Variants in PARP8 observed in about 807,000 individuals in gnomAD.
PARP8 encodes the protein protein mono-ADP-ribosyltransferase PARP8.
A neutral mutation model predicts 124.1 loss-of-function variants in PARP8; 51 were observed. The ratio of observed to expected loss-of-function variants is 0.41; its 90% CI spans 0.33 to 0.52. PARP8 has a LOEUF of 0.52. Ranked by LOEUF, PARP8 falls within the 20% of genes least tolerant of loss-of-function variation. The pLI is 0.21. For synonymous variants in PARP8, 391 were observed against 361.5 expected (o/e 1.08, Z -0.93); for missense variants, 860 against 1,018.9 (o/e 0.84, Z 2.12).
At chr5:50,798,117 A>G (rs1742762409) in intron 14 of PARP8, among the ~76,000 whole-genome samples, 1 of 152,182 alleles carries the variant, frequency 6.6e-6, no homozygotes, top group East Asian at 1.9e-4. Flanking sequence ...TTCAAGGACC[A>G]TCCATATAGC....
At chr5:50,744,069 G>C (rs1416665038) in intron 2 of PARP8, among the ~76,000 whole-genome samples, 1 of 152,208 alleles carries the variant, frequency 6.6e-6, no homozygotes, top group African/African-American at 2.4e-5. Context: ...GGATCCAGGA[G>C]TTTGACGTTA....
intron 3 of PARP8, among the ~76,000 whole-genome samples, chr5:50,756,427 T>C (rs532485335): frequency 6.6e-6 from 1 of 152,144 alleles, no homozygotes; most frequent in Non-Finnish European, 1.5e-5. Flanking sequence ...AAACAAATTT[T>C]TTTTTACAAA....
chr5:50,782,735 A>T (rs917227106), intron 9 of PARP8, among the ~76,000 whole-genome samples: 1 of 152,148 alleles, frequency 6.6e-6, no homozygotes, highest in Non-Finnish European at 1.5e-5. Flanking sequence ...GTTGCCTGGG[A>T]CCACTCCTAA....
At chr5:50,747,158 G>GTTTTTTTTTTT (rs1370932889) in intron 2 of PARP8, among the ~76,000 whole-genome samples, 5 of 82,204 alleles carry the variant, frequency 6.1e-5, no homozygotes, top group Admixed American at 1.1e-4. Context: ...TTGTTTGTTT[G>GTTTTTTTTTTT]TTTTGTTTTT....
chr5:50,830,284 C>A (rs551830268), intron 22 of PARP8, among the ~76,000 whole-genome samples: 5 of 152,240 alleles, frequency 3.3e-5, no homozygotes, highest in Admixed American at 1.3e-4. Context: ...TACATAATAT[C>A]TTTAAGTGTA....
intron 2 of PARP8, among the ~76,000 whole-genome samples, chr5:50,719,019 A>G (rs955578187): frequency 3.3e-5 from 5 of 151,958 alleles, no homozygotes; most frequent in Non-Finnish European, 7.4e-5. Flanking sequence ...GTGGGGTGAG[A>G]TGGTAACTCA....
chr5:50,755,630 G>T lies in PARP8; in HGVS notation c.185-4013G>T, dbSNP rs554482735. Among the ~76,000 whole-genome samples the T allele has an allele frequency of 2.0e-5, 3 of 152,266 alleles. No homozygotes were observed. The South Asian group carries it at 6.2e-4, about 32-fold the overall frequency. On this transcript the variant is annotated intron_variant, in intron 3 of 25. Transcript: ENST00000281631. ...CAGGTAGTTTGATGCCTCCAGCTTT[G>T]CTCTTTTTGCTTCGGATTGACTTGG...
intron 9 of PARP8, among the ~76,000 whole-genome samples, chr5:50,781,159 T>C (rs1050391571): frequency 6.6e-6 from 1 of 152,214 alleles, no homozygotes; most frequent in Non-Finnish European, 1.5e-5. Context: ...TTCCAATCTG[T>C]CTTCTGCTCC....
intron 1 of PARP8, 92 bp downstream of exon 1, chr5:50,667,278 T>G: frequency 1.5e-6 from 2 of 1,308,776 alleles, no homozygotes; most frequent in East Asian, 2.3e-5. Context: ...GGTGGAGGGT[T>G]GCACGTCCCC....
In PARP8 at chr5:50,800,332, T is replaced by C. The variant is rs138968525; in HGVS notation, c.1575+3099T>C. 4.1e-3 allele frequency among the ~76,000 whole-genome samples: 626 copies of C among 152,346 alleles called. 3 individuals are homozygous for C. Among genetic ancestry groups the C allele is most frequent in the Non-Finnish European group, 6.0e-3 (407 of 68,024 alleles). ...ATTTGTTAGCTCTATTAAGTTATTTTTGGATTCTTTGTTTCTCTATATAAA... is the reference window on the plus strand; with the variant it reads ...ATTTGTTAGCTCTATTAAGTTATTTCTGGATTCTTTGTTTCTCTATATAAA... On this transcript the variant is annotated intron_variant, in intron 14 of 25. Coordinates refer to ENST00000281631, the MANE Select transcript of PARP8 (RefSeq NM_024615.4).
At chr5:50,744,998 G>T in intron 2 of PARP8, 1 of 482,738 alleles carries the variant, frequency 2.1e-6, no homozygotes, top group Non-Finnish European at 3.7e-6. Flanking sequence ...AATCATCCAT[G>T]TCTGTTTGTA....
intron 2 of PARP8, among the ~76,000 whole-genome samples, chr5:50,689,326 G>C (rs1459188577): frequency 6.6e-6 from 1 of 152,174 alleles, no homozygotes; most frequent in African/African-American, 2.4e-5. Context: ...ACAAATAGCT[G>C]TGAAATTAGA....
intron 10 of PARP8, among the ~76,000 whole-genome samples, chr5:50,789,778 A>G (rs1416477420): frequency 1.3e-5 from 2 of 152,228 alleles, no homozygotes; most frequent in Non-Finnish European, 2.9e-5. Flanking sequence ...AAGAAAGACC[A>G]TTAGATAATT....
At position 50,668,046 on chromosome 5, in the gene PARP8, C is replaced by G. The variant is rs1198950313; in HGVS notation, c.92-25C>G. On this transcript the variant is annotated intron_variant, in intron 1 of 25. Coordinates refer to ENST00000281631, the MANE Select transcript of PARP8 (RefSeq NM_024615.4). ...TAAAACAAATCCACTCCAGGGGTAG[C>G]TTTTGACGGGACTTTCTGTTTCAGA... The G allele has an allele frequency of 1.9e-6, 3 of 1,612,060 alleles. No individual in the cohort carries two copies. The South Asian group carries it at 3.3e-5, about 18-fold the overall frequency.
At chr5:50,824,399 AG>A (rs1242998128) in intron 17 of PARP8, among the ~76,000 whole-genome samples, 4 of 152,196 alleles carry the variant, frequency 2.6e-5, no homozygotes, top group African/African-American at 9.6e-5. Flanking sequence ...AAGGTGATCC[AG>A]GTTTTTAAAG....
At chr5:50,817,016 A>G (rs528186887) in intron 15 of PARP8, among the ~76,000 whole-genome samples, 1 of 152,306 alleles carries the variant, frequency 6.6e-6, no homozygotes, top group South Asian at 2.1e-4. Context: ...GTGTATGTGC[A>G]TATATGTTAA....
At chr5:50,747,390 A>G (rs1758706055) in intron 2 of PARP8, among the ~76,000 whole-genome samples, 1 of 151,670 alleles carries the variant, frequency 6.6e-6, no homozygotes. Context: ...ATCTATCTTG[A>G]TATTCTGCAG....
chr5:50,763,406 A>AT (rs1263675852), intron 7 of PARP8, 164 bp downstream of exon 7: 26 of 569,804 alleles, frequency 4.6e-5, no homozygotes, highest in Admixed American at 3.6e-4. Flanking sequence ...ATTTATGGCT[A>AT]TTTTTTTGAT....
chr5:50,754,583 T>C (rs923147101), intron 3 of PARP8, among the ~76,000 whole-genome samples: 1 of 152,186 alleles, frequency 6.6e-6, no homozygotes. Flanking sequence ...CAGTCTATCA[T>C]TGATGGACAT....
Sources: allele counts gnomAD v4.1 joint callset (sites outside exome capture counted in the v4.1 genomes callset), GRCh38; gene constraint gnomAD v4.1.1; transcripts MANE v1.5; gene names NCBI Gene and HGNC (gene_info 2026-07-23, HGNC 2026-07-21).